The following AFG2A variants were observed in gnomAD, a reference collection of about 807,000 sequenced individuals.
The protein encoded by AFG2A is ATPase family gene 2 protein homolog A.
the AFG2A span, among the ~76,000 whole-genome samples, chr4:122,925,518 A>T: frequency 6.6e-6 from 1 of 151,692 alleles, no homozygotes; most frequent in African/African-American, 2.4e-5. Context: ...CTCTGCCTAT[A>T]CTCTCCTGAG....
At chr4:123,054,383 A>G in the AFG2A span, among the ~76,000 whole-genome samples, 7 of 151,004 alleles carry the variant, frequency 4.6e-5, no homozygotes, top group African/African-American at 1.7e-4. Flanking sequence ...CTACATACTT[A>G]AGAGAAATTG....
At chr4:122,941,965 G>A in the AFG2A span, among the ~76,000 whole-genome samples, 1 of 151,910 alleles carries the variant, frequency 6.6e-6, no homozygotes, top group Non-Finnish European at 1.5e-5. Flanking sequence ...AACCAGCCTT[G>A]CATCCCAGGG....
chr4:123,165,822 T>C, the AFG2A span, among the ~76,000 whole-genome samples: 1 of 152,198 alleles, frequency 6.6e-6, no homozygotes, highest in Admixed American at 6.5e-5. Flanking sequence ...AAATTTTTCA[T>C]ATATCTCTTA....
At chr4:123,236,688 C>G in the AFG2A span, among the ~76,000 whole-genome samples, 1 of 152,168 alleles carries the variant, frequency 6.6e-6, no homozygotes, top group African/African-American at 2.4e-5. Flanking sequence ...TGTCCACGTT[C>G]ACCTATGAGG....
the AFG2A span, among the ~76,000 whole-genome samples, chr4:122,966,756 A>G: frequency 6.6e-6 from 1 of 152,162 alleles, no homozygotes; most frequent in Non-Finnish European, 1.5e-5. Context: ...ATGTCACAGT[A>G]CTTGGCATAG....
At chr4:123,184,810 A>G in the AFG2A span, among the ~76,000 whole-genome samples, 4 of 152,108 alleles carry the variant, frequency 2.6e-5, no homozygotes, top group African/African-American at 2.4e-5. Flanking sequence ...TGCTGGGATT[A>G]CAGGCGTGAG....
the AFG2A span, among the ~76,000 whole-genome samples, chr4:122,952,561 G>T: frequency 6.6e-6 from 1 of 152,216 alleles, no homozygotes; most frequent in African/African-American, 2.4e-5. Context: ...GTATTTGGCT[G>T]ATAAGCCTGG....
At chr4:123,312,360 T>G in the AFG2A span, among the ~76,000 whole-genome samples, 1 of 152,190 alleles carries the variant, frequency 6.6e-6, no homozygotes, top group African/African-American at 2.4e-5. Context: ...CCTCTTCCAG[T>G]GATTCTTCAG....
chr4:123,003,933 G>C, the AFG2A span, among the ~76,000 whole-genome samples: 1 of 152,142 alleles, frequency 6.6e-6, no homozygotes, highest in African/African-American at 2.4e-5. Flanking sequence ...GAGGCAGGCA[G>C]GCCTCCTTGA....
At chr4:123,291,691 C>A in the AFG2A span, among the ~76,000 whole-genome samples, 1 of 152,222 alleles carries the variant, frequency 6.6e-6, no homozygotes, top group African/African-American at 2.4e-5. Context: ...GGACACCAAT[C>A]TTTTCTGGCT....
At chr4:123,047,797 G>A in the AFG2A span, among the ~76,000 whole-genome samples, 5 of 151,838 alleles carry the variant, frequency 3.3e-5, no homozygotes, top group Non-Finnish European at 7.4e-5. Flanking sequence ...TGAACTCCAG[G>A]GTTCAAGCAA....
the AFG2A span, among the ~76,000 whole-genome samples, chr4:123,043,965 T>G: frequency 6.6e-6 from 1 of 152,216 alleles, no homozygotes; most frequent in African/African-American, 2.4e-5. Flanking sequence ...TGCCATGACC[T>G]TTGCTCTTGA....
At chr4:123,190,458 G>A in the AFG2A span, among the ~76,000 whole-genome samples, 2 of 152,196 alleles carry the variant, frequency 1.3e-5, no homozygotes, top group Admixed American at 1.3e-4. Flanking sequence ...AGATTGCACA[G>A]AGATGAATAG....
At chr4:123,154,748 AT>A in the AFG2A span, among the ~76,000 whole-genome samples, 1 of 152,324 alleles carries the variant, frequency 6.6e-6, no homozygotes, top group East Asian at 1.9e-4. Flanking sequence ...AGAAAAAAAT[AT>A]ATTAAGAGAA....
the AFG2A span, among the ~76,000 whole-genome samples, chr4:123,200,066 C>CA: frequency 7.9e-5 from 12 of 152,282 alleles, no homozygotes; most frequent in African/African-American, 2.9e-4. Context: ...TGTGCCCTTA[C>CA]ATATTTTTTG....
At chr4:123,082,856 G>C in the AFG2A span, among the ~76,000 whole-genome samples, 1 of 151,810 alleles carries the variant, frequency 6.6e-6, no homozygotes, top group African/African-American at 2.4e-5. Context: ...ATTGGTGTTT[G>C]TATTTTTTCT....
At chr4:123,269,807 C>G in the AFG2A span, among the ~76,000 whole-genome samples, 1 of 152,058 alleles carries the variant, frequency 6.6e-6, no homozygotes, top group African/African-American at 2.4e-5. Context: ...AGAAGCTGTT[C>G]AAAGATGTAT....
At chr4:123,159,240 G>A in the AFG2A span, among the ~76,000 whole-genome samples, 1 of 151,430 alleles carries the variant, frequency 6.6e-6, no homozygotes, top group African/African-American at 2.4e-5. Context: ...TAAAAGTTTT[G>A]GCAAGTTTTT....
the AFG2A span, among the ~76,000 whole-genome samples, chr4:123,284,542 TA>T: frequency 5.9e-5 from 9 of 152,208 alleles, no homozygotes; most frequent in African/African-American, 1.4e-4. Flanking sequence ...TCAGCATGAT[TA>T]GGGGGTGACT....
Sources: gnomAD v4.1 joint callset for allele counts (sites outside exome capture counted in the v4.1 genomes callset) on GRCh38, gnomAD v4.1.1 for gene constraint, MANE v1.5 for transcripts, NCBI Gene and HGNC (gene_info 2026-07-23, HGNC 2026-07-21) for gene names.